Variants in SHROOM4 observed in about 807,000 individuals in gnomAD.
SHROOM4 encodes the protein shroom family member 4, also known as protein Shroom4.
A neutral mutation model predicts 80.3 loss-of-function variants in SHROOM4; 17 were observed. The observed-to-expected ratio is 0.21, with a 90% CI of 0.14 to 0.32. The LOEUF (loss-of-function observed/expected upper bound fraction) is 0.32, where lower values mean the gene tolerates loss of function less well. SHROOM4 is among the 10% of genes least tolerant of loss of function. The probability of loss-of-function intolerance (pLI) is 1.00; values close to 1 mark genes in which losing one functional copy is unlikely to be tolerated. For synonymous variants in SHROOM4, 400 were observed against 437.5 expected, an observed-to-expected ratio of 0.91 and a Z score of 1.07; for missense variants, 993 against 1,140.3, an observed-to-expected ratio of 0.87 and a Z score of 1.86.
chrX:50,602,446 T>A (rs1557247809), intron 7 of SHROOM4, among the ~76,000 whole-genome samples, 187 bp downstream of exon 7: 1 of 111,245 alleles, frequency 9.0e-6, no homozygotes, highest in African/African-American at 3.3e-5. Context: ...ATGATTGTTA[T>A]TATTATTATT....
the SHROOM4 span, among the ~76,000 whole-genome samples, chrX:50,578,890 A>C: frequency 3.9e-3 from 440 of 112,244 alleles, 2 homozygotes; most frequent in Non-Finnish European, 6.0e-3. Flanking sequence ...TGCTGCAAAG[A>C]CATGGGGAGT....
intron 5 of SHROOM4, among the ~76,000 whole-genome samples, chrX:50,624,013 G>A (rs941676161): frequency 5.0e-4 from 56 of 111,621 alleles, no homozygotes; most frequent in African/African-American, 1.8e-3. Context: ...TTGAGAGTGG[G>A]AATGGAGAGC....
At chrX:50,735,788 A>G (rs1226114919) in intron 1 of SHROOM4, among the ~76,000 whole-genome samples, 3 of 111,290 alleles carry the variant, frequency 2.7e-5, no homozygotes, top group African/African-American at 9.8e-5. Context: ...TGGGCGGATC[A>G]CGAGGTCAGG....
At chrX:50,695,728 A>G in intron 2 of SHROOM4, 58 bp downstream of exon 2, 2 of 1,158,415 alleles carry the variant, frequency 1.7e-6, no homozygotes, top group Non-Finnish European at 2.4e-6. Context: ...ATTGAGCTTT[A>G]TTACCAACCA....
chrX:50,654,130 A>G (rs2147351234), intron 2 of SHROOM4, among the ~76,000 whole-genome samples: 1 of 111,907 alleles, frequency 8.9e-6, no homozygotes, highest in African/African-American at 3.2e-5. Context: ...CTGCTTAAAA[A>G]GTATTTAGGT....
chrX:50,787,456 A>G (rs1328541178), intron 1 of SHROOM4, among the ~76,000 whole-genome samples: 1 of 111,226 alleles, frequency 9.0e-6, no homozygotes, highest in Non-Finnish European at 1.9e-5. Context: ...TGGAAGTTCC[A>G]GAAGGAGAGT....
chrX:50,607,431 G>A lies in SHROOM4; in HGVS notation c.3711C>T (p.Gly1237=), dbSNP rs782205429. 3.3e-6 allele frequency: 4 copies of A among 1,211,556 alleles called. No individual in the cohort carries two copies. Among genetic ancestry groups the A allele is most frequent in the Admixed American group, 2.2e-5 (1 of 46,029 alleles). ...PEQAQPPCYY[G]IGGLWRTSGQ... ...CCGATGTCCTCCAAAGCCCACCAATGCCATAGTAGCAAGGGGGCTGAGCCT... is the reference window on the plus strand; with the variant it reads ...CCGATGTCCTCCAAAGCCCACCAATACCATAGTAGCAAGGGGGCTGAGCCT... Residue 1237 remains glycine, a synonymous_variant, in exon 6 of 9, where the codon GGC becomes GGT. Transcript: ENST00000376020.
chrX:50,731,479 G>T (rs1557266295), intron 1 of SHROOM4, among the ~76,000 whole-genome samples: 4 of 111,960 alleles, frequency 3.6e-5, no homozygotes, highest in Non-Finnish European at 7.5e-5. Context: ...GGTGACTGAG[G>T]TCAAGAGATG....
chrX:50,719,051 T>A (rs1183645531), intron 1 of SHROOM4, among the ~76,000 whole-genome samples: 1 of 112,075 alleles, frequency 8.9e-6, no homozygotes, highest in Non-Finnish European at 1.9e-5. Context: ...CAGTATAAAC[T>A]CTGCCTTCAT....
chrX:50,598,833 GT>G (rs1174558839), intron 7 of SHROOM4, among the ~76,000 whole-genome samples: 2 of 106,612 alleles, frequency 1.9e-5, no homozygotes, highest in East Asian at 3.0e-4. Flanking sequence ...CTGGCACTTT[GT>G]TTTTTTTTTG....
downstream of SHROOM4, among the ~76,000 whole-genome samples, chrX:50,582,602 T>A (rs1557244364): frequency 8.9e-6 from 1 of 111,965 alleles, no homozygotes; most frequent in African/African-American, 3.2e-5. Flanking sequence ...TTTTCTTCCT[T>A]GAAAAATTTG....
chrX:50,767,278 T>G (rs1935296344), intron 1 of SHROOM4, among the ~76,000 whole-genome samples: 1 of 112,213 alleles, frequency 8.9e-6, no homozygotes, highest in Non-Finnish European at 1.9e-5. Context: ...TCTCCAATAA[T>G]AGAATGGCTA....
At chrX:50,770,881 G>A (rs1201006555) in intron 1 of SHROOM4, among the ~76,000 whole-genome samples, 1 of 111,762 alleles carries the variant, frequency 8.9e-6, no homozygotes, top group Non-Finnish European at 1.9e-5. Flanking sequence ...CCCAGCCTTT[G>A]AAGTCAGAGA....
chrX:50,592,545 TAGA>T lies in SHROOM4; in HGVS notation c.*4147_*4149del. 5.9e-6 allele frequency: 1 copy of T among 168,374 alleles called. No individual in the cohort carries two copies. Among genetic ancestry groups the T allele is most frequent in the Non-Finnish European group, 1.1e-5 (1 of 89,404 alleles). The allele number at this position is 168,374 out of a possible 1,213,427, so 13.9% of individuals were successfully genotyped here. On this transcript the variant is annotated 3_prime_UTR_variant, in exon 9 of 9. Coordinates refer to ENST00000376020, the MANE Select transcript of SHROOM4 (RefSeq NM_020717.5). ...ACTCTACCACAATGGATATCTTGAG[TAGA>T]AGGAGGATAGTTGGAATGTGAACAG...
chrX:50,614,736 A>C (rs2147248903), intron 5 of SHROOM4, among the ~76,000 whole-genome samples: 2 of 112,245 alleles, frequency 1.8e-5, no homozygotes, highest in East Asian at 5.6e-4. Context: ...CTACAGACAC[A>C]TTCCAACATG....
chrX:50,674,918 G>C (rs782740521), intron 2 of SHROOM4, among the ~76,000 whole-genome samples: 2 of 111,822 alleles, frequency 1.8e-5, no homozygotes, highest in Admixed American at 1.9e-4. Flanking sequence ...AGTGCACAGA[G>C]GACGGAGCTC....
In SHROOM4 at chrX:50,634,619, A is replaced by G; in HGVS notation, c.1454T>C (p.Leu485Ser). The change falls in exon 4 of 9, where the codon TTA becomes TCA. Residue 485 changes from leucine to serine, a missense_variant. Transcript: ENST00000376020. ...RKTRQVDDRS[L>S]VLGHQSQSSP... is the part of the protein sequence containing the mutation. ...GCTTTGGCTCTGGTGTCCCAAAACT[A>G]AAGACCTGTCATCCACTTGTCTGGT... 8.3e-7 allele frequency: 1 copy of G among 1,211,679 alleles called. No homozygotes were observed. The highest frequency in any genetic ancestry group is 1.1e-6 in the Non-Finnish European group (1 of 895,538).
intron 3 of SHROOM4, 111 bp from the exon 4 acceptor site, chrX:50,635,779 C>CA (rs1285793452): frequency 0.026 from 8,282 of 322,493 alleles, 1 homozygote; most frequent in Admixed American, 0.03. Context: ...GGAGGGTAGG[C>CA]AAAAAAAAAA....
chrX:50,693,938 T>C (rs1173235619), intron 2 of SHROOM4, among the ~76,000 whole-genome samples: 1 of 111,714 alleles, frequency 9.0e-6, no homozygotes, highest in Non-Finnish European at 1.9e-5. Context: ...ATCCCTCTTT[T>C]CAGCCTTTAC....
Sources: gnomAD v4.1 joint callset for allele counts (sites outside exome capture counted in the v4.1 genomes callset) on GRCh38, gnomAD v4.1.1 for gene constraint, MANE v1.5 for transcripts, NCBI Gene and HGNC (gene_info 2026-07-23, HGNC 2026-07-21) for gene names.